POU2F3: variants seen among roughly 807,000 people sequenced by gnomAD.
POU2F3 encodes the protein POU domain, class 2, transcription factor 3.
Under a neutral mutation model 59.2 loss-of-function variants are expected in POU2F3, and 23 were observed. The observed-to-expected ratio is 0.39, with a 90% CI of 0.28 to 0.55. The LOEUF is 0.55. Ranked by LOEUF, POU2F3 falls within the 20% of genes least tolerant of loss-of-function variation. The probability of loss-of-function intolerance (pLI) is 0.66; values close to 1 mark genes in which losing one functional copy is unlikely to be tolerated. For missense variants in POU2F3, 473 were observed against 544.5 expected, an observed-to-expected ratio of 0.87 and a Z score of 1.31; for synonymous variants, 190 against 214.6, an observed-to-expected ratio of 0.89 and a Z score of 1.00.
In POU2F3 at chr11:120,276,885, CACCTGAAATCCT is replaced by C. The variant is rs1278874449; in HGVS notation, c.132+7643_132+7654del. 2.0e-5 allele frequency among the ~76,000 whole-genome samples: 3 copies of C among 151,994 alleles called. No individual in the cohort carries two copies. The East Asian group carries it at 5.8e-4, about 29-fold the overall frequency. ...CCTCCTGGCCGGGTGCAGTGGCTCA[CACCTGAAATCCT>C]AGCACTTTGGGAGGCCGAGGTGGGT... On this transcript the variant is annotated intron_variant, in intron 3 of 12. Transcript: ENST00000543440.
At chr11:120,299,363 C>T (rs1287164337) in intron 4 of POU2F3, among the ~76,000 whole-genome samples, 2 of 152,182 alleles carry the variant, frequency 1.3e-5, no homozygotes, top group African/African-American at 2.4e-5. Flanking sequence ...CTGACACATA[C>T]AAAAATTAAC....
At chr11:120,240,999 CG>C (rs937458162) in intron 1 of POU2F3, among the ~76,000 whole-genome samples, 6 of 152,086 alleles carry the variant, frequency 3.9e-5, no homozygotes, top group African/African-American at 1.2e-4. Flanking sequence ...AATGCTTTGC[CG>C]GGAGTCAGGC....
At chr11:120,263,016 G>A (rs1939669395) in intron 2 of POU2F3, among the ~76,000 whole-genome samples, 1 of 149,386 alleles carries the variant, frequency 6.7e-6, no homozygotes, top group Admixed American at 6.7e-5. Context: ...TTTTGAGATG[G>A]AGTCTCACTC....
At chr11:120,297,936 ATTTT>A (rs1335660134) in intron 3 of POU2F3, among the ~76,000 whole-genome samples, 3 of 113,788 alleles carry the variant, frequency 2.6e-5, no homozygotes, top group Non-Finnish European at 1.9e-5. Flanking sequence ...ATGCCTGGCT[ATTTT>A]TTTTTTTTTT....
Position 120,258,101 on chromosome 11 carries a change from G to A in POU2F3, c.98-11109G>A, listed in dbSNP as rs138180176. On this transcript the variant is annotated intron_variant, in intron 2 of 12. Transcript: ENST00000543440. ...AGGTGTAAGCTTTCTCACTCCACACGCGCCCCTCTGAGCTGCACTAAGCAC... is the reference window on the plus strand; with the variant it reads ...AGGTGTAAGCTTTCTCACTCCACACACGCCCCTCTGAGCTGCACTAAGCAC... Among the ~76,000 whole-genome samples the A allele has an allele frequency of 1.7e-3, 265 of 152,138 alleles. 2 individuals carry two copies. The highest frequency in any genetic ancestry group is 6.1e-3 in the African/African-American group (252 of 41,508).
intron 3 of POU2F3, among the ~76,000 whole-genome samples, chr11:120,284,790 G>A (rs936634186): frequency 5.3e-5 from 8 of 151,582 alleles, no homozygotes; most frequent in Non-Finnish European, 8.9e-5. Context: ...CTTTAGCCCC[G>A]GGGTGAGTGT....
At chr11:120,275,521 T>G (rs1337450270) in intron 3 of POU2F3, among the ~76,000 whole-genome samples, 1 of 152,206 alleles carries the variant, frequency 6.6e-6, no homozygotes, top group Non-Finnish European at 1.5e-5. Flanking sequence ...CCTGCTCTGT[T>G]CCGGTAACTT....
chr11:120,274,417 C>T (rs887892052), intron 3 of POU2F3, among the ~76,000 whole-genome samples: 2 of 152,018 alleles, frequency 1.3e-5, no homozygotes, highest in Non-Finnish European at 2.9e-5. Flanking sequence ...ATGGAGAGAC[C>T]CAGCTTTAAG....
upstream of POU2F3, among the ~76,000 whole-genome samples, chr11:120,239,822 C>G (rs1565348126): frequency 6.6e-6 from 1 of 152,236 alleles, no homozygotes; most frequent in Admixed American, 6.5e-5. Context: ...CTCCTTGCAG[C>G]GCTTACACTT....
chr11:120,242,390 A>G (rs531561702), intron 1 of POU2F3, among the ~76,000 whole-genome samples: 5 of 152,066 alleles, frequency 3.3e-5, no homozygotes, highest in Admixed American at 6.5e-5. Context: ...TCTTCCCTCT[A>G]TGGAATATCT....
At chr11:120,272,986 G>A (rs920872867) in intron 3 of POU2F3, among the ~76,000 whole-genome samples, 1 of 152,218 alleles carries the variant, frequency 6.6e-6, no homozygotes. Context: ...TCATGTTACG[G>A]TGTCATTACT....
At chr11:120,282,858 C>G (rs1260907096) in intron 3 of POU2F3, among the ~76,000 whole-genome samples, 1 of 152,158 alleles carries the variant, frequency 6.6e-6, no homozygotes, top group Non-Finnish European at 1.5e-5. Context: ...TAAAACTTAA[C>G]CTAGGCCATC....
At chr11:120,254,522 C>T (rs1024724784) in intron 2 of POU2F3, among the ~76,000 whole-genome samples, 2 of 152,174 alleles carry the variant, frequency 1.3e-5, no homozygotes, top group Non-Finnish European at 2.9e-5. Flanking sequence ...AAGGGCTTGC[C>T]CAGGATGACC....
At chr11:120,299,229 G>A (rs527540229) in intron 4 of POU2F3, among the ~76,000 whole-genome samples, 12 of 152,310 alleles carry the variant, frequency 7.9e-5, no homozygotes, top group South Asian at 6.2e-4. Flanking sequence ...TAACCAGGTG[G>A]CATGAGATTT....
intron 6 of POU2F3, chr11:120,303,954 C>T (rs1941413605): frequency 6.6e-6 from 1 of 152,172 alleles, no homozygotes; most frequent in African/African-American, 2.4e-5. Flanking sequence ...GATAGATGTC[C>T]TTAAGATCGG....
chr11:120,318,174 G>A (rs1941836852), intron 12 of POU2F3, among the ~76,000 whole-genome samples, 179 bp from the exon 13 acceptor site: 1 of 152,168 alleles, frequency 6.6e-6, no homozygotes, highest in Admixed American at 6.5e-5. Context: ...TTTAAAGTGT[G>A]CAGTTCAGTG....
upstream of POU2F3, among the ~76,000 whole-genome samples, chr11:120,239,463 C>T (rs1350934168): frequency 6.6e-6 from 1 of 152,178 alleles, no homozygotes; most frequent in Non-Finnish European, 1.5e-5. Flanking sequence ...TGGTAACTTC[C>T]ACATCCATCA....
At position 120,299,684 on chromosome 11, in the gene POU2F3, G is replaced by A; in HGVS notation, c.319G>A (p.Val107Ile). The change falls in exon 5 of 13, where the codon GTA (valine) becomes ATA (isoleucine). Residue 107 changes from valine (V) to isoleucine (I), a missense_variant. Coordinates refer to ENST00000543440, the MANE Select transcript of POU2F3 (RefSeq NM_014352.4). ...LVLVPGHLQS[V>I]SQFLLSQTQP... ...GCTGGTTCCCGGCCACTTACAGTCT[G>A]TATCCCAGTTCCTGCTATCTCAGAC... The A allele has an allele frequency of 6.2e-7, 1 of 1,613,698 alleles. No homozygotes were observed. Among genetic ancestry groups the A allele is most frequent in the Non-Finnish European group, 8.5e-7 (1 of 1,179,982 alleles).
Position 120,240,362 on chromosome 11 carries a change from A to C in POU2F3, c.19A>C (p.Met7Leu). 7.0e-7 allele frequency: 1 copy of C among 1,429,644 alleles called. No individual in the cohort carries two copies. Among genetic ancestry groups the C allele is most frequent in the Non-Finnish European group, 9.3e-7 (1 of 1,080,976 alleles). 88.6% of individuals were successfully genotyped at this position (1,429,644 alleles called of 1,614,324 possible). ...GGGCAGGATGGTGAATCTGGAGTCCATGCACACAGGTGAGGGGCGGAGGGA... is the reference window on the plus strand; with the variant it reads ...GGGCAGGATGGTGAATCTGGAGTCCCTGCACACAGGTGAGGGGCGGAGGGA... MVNLES[M>L]HTDIKMSGDV... is the part of the protein sequence containing the mutation. The change falls in exon 1 of 13, where the codon ATG (methionine) becomes CTG (leucine). Residue 7 changes from methionine to leucine, a missense_variant. Transcript: ENST00000543440.
Sources: allele counts gnomAD v4.1 joint callset (sites outside exome capture counted in the v4.1 genomes callset), GRCh38; gene constraint gnomAD v4.1.1; transcripts MANE v1.5; gene names NCBI Gene and HGNC (gene_info 2026-07-23, HGNC 2026-07-21).